The following KANK1 variants were observed in gnomAD, a reference collection of about 807,000 sequenced individuals.
The protein encoded by KANK1 is KN motif and ankyrin repeat domain-containing protein 1.
A neutral mutation model predicts 106.2 loss-of-function variants in KANK1; 109 were observed. The ratio of observed to expected loss-of-function variants is 1.03; its 90% CI spans 0.88 to 1.20. The LOEUF (loss-of-function observed/expected upper bound fraction) is 1.20, where lower values mean the gene tolerates loss of function less well. Ranked by LOEUF, KANK1 falls within the 50% of genes most tolerant of loss-of-function variation. KANK1 has a pLI of 0.00. For synonymous variants in KANK1, 873 were observed against 652.2 expected (o/e 1.34, Z -5.16); for missense variants, 2,399 against 1,710.7 (o/e 1.40, Z -7.10).
At position 711,716 on chromosome 9, in the gene KANK1, G is replaced by C. The variant is rs1215928864; in HGVS notation, c.950G>C (p.Cys317Ser). The C allele has an allele frequency of 4.3e-5, 69 of 1,614,102 alleles. No homozygotes were observed. The highest frequency in any genetic ancestry group is 5.7e-5 in the Non-Finnish European group (67 of 1,180,038). ...NQRAASQINV[C>S]GVRKRSYSAG... ...AGGGCTGCATCCCAGATCAATGTCT[G>C]TGGTGTGAGGAAGCGGTCCTATAGT... The change falls in exon 3 of 12, where the codon TGT becomes TCT. Residue 317 changes from cysteine (C) to serine (S), a missense_variant. By Grantham distance (112) the Cys-to-Ser change is moderately radical (BLOSUM62 -1). Coordinates refer to ENST00000382297, the MANE Select transcript of KANK1 (RefSeq NM_015158.5).
At chr9:477,633 T>C (rs1229506351) in intron 3 of KANK1, 1 of 152,178 alleles carries the variant, frequency 6.6e-6, no homozygotes, top group Non-Finnish European at 1.5e-5. Flanking sequence ...AGGGCTGATA[T>C]CACAAGTAGT....
chr9:528,480 T>C (rs1012187607), intron 1 of KANK1, among the ~76,000 whole-genome samples: 1 of 127,210 alleles, frequency 7.9e-6, no homozygotes, highest in Non-Finnish European at 1.7e-5. Context: ...TTTTTTTTTT[T>C]TTTTTTTTTT....
chr9:531,786 G>T (rs562304178), intron 1 of KANK1, among the ~76,000 whole-genome samples: 3 of 152,188 alleles, frequency 2.0e-5, no homozygotes, highest in East Asian at 1.9e-4. Flanking sequence ...GCCTTCTGGC[G>T]TCTGTCCTCA....
chr9:695,714 G>C (rs925461906), intron 2 of KANK1, among the ~76,000 whole-genome samples: 10 of 152,156 alleles, frequency 6.6e-5, no homozygotes, highest in Non-Finnish European at 1.2e-4. Flanking sequence ...ACCACTAGTA[G>C]TGACAATAGA....
intron 3 of KANK1, among the ~76,000 whole-genome samples, chr9:716,442 C>T (rs1480434201): frequency 1.3e-5 from 2 of 152,136 alleles, no homozygotes; most frequent in African/African-American, 4.8e-5. Flanking sequence ...AAATTTTTAT[C>T]TTCATTATTC....
intron 1 of KANK1, among the ~76,000 whole-genome samples, chr9:544,903 A>G (rs1456783276): frequency 1.3e-5 from 2 of 152,158 alleles, no homozygotes; most frequent in African/African-American, 2.4e-5. Context: ...ATCACTGGCA[A>G]GTTTTAAGTT....
chr9:594,326 C>G (rs897498623), intron 1 of KANK1, among the ~76,000 whole-genome samples: 1 of 151,872 alleles, frequency 6.6e-6, no homozygotes, highest in Non-Finnish European at 1.5e-5. Context: ...GGGGAAAAGG[C>G]CAACATGATT....
At chr9:541,165 TACTTG>T (rs2060576522) in intron 1 of KANK1, among the ~76,000 whole-genome samples, 1 of 152,054 alleles carries the variant, frequency 6.6e-6, no homozygotes, top group African/African-American at 2.4e-5. Context: ...GGCATCATGC[TACTTG>T]ACTTCAAAAT....
chr9:621,903 C>G (rs1833228850), intron 1 of KANK1, among the ~76,000 whole-genome samples: 1 of 152,138 alleles, frequency 6.6e-6, no homozygotes, highest in African/African-American at 2.4e-5. Context: ...AATGCTCCAC[C>G]AAAGGGCTTT....
chr9:702,808 G>A (rs1823017888), intron 2 of KANK1, among the ~76,000 whole-genome samples: 1 of 152,080 alleles, frequency 6.6e-6, no homozygotes, highest in South Asian at 2.1e-4. Context: ...TCTTCCCCTT[G>A]TCTAACCTTG....
chr9:545,215 C>T (rs558329548), intron 1 of KANK1, among the ~76,000 whole-genome samples: 6 of 151,824 alleles, frequency 4.0e-5, no homozygotes, highest in Non-Finnish European at 7.4e-5. Context: ...AACATCAAGC[C>T]CAGTGCCCAG....
rs3215735 is a variant in KANK1 at position 729,965 on chromosome 9, ATT to A, written c.2699-85_2699-84del. ...GGCTGGGATAATAGTCCCATTTTAA[ATT>A]ATGAGTGGCAAGAATTGTTTTTGTT... On this transcript the variant is annotated intron_variant, in intron 3 of 11. Coordinates refer to ENST00000382297, the MANE Select transcript of KANK1 (RefSeq NM_015158.5). 21,825 of 1,181,722 alleles carry A rather than the reference ATT, an allele frequency of 0.018. 1,535 individuals are homozygous for A. The highest frequency in any genetic ancestry group is 0.14 in the East Asian group (5,641 of 40,262). 73.2% of individuals were successfully genotyped at this position (1,181,722 alleles called of 1,614,324 possible).
intron 1 of KANK1, among the ~76,000 whole-genome samples, chr9:670,597 C>A (rs1178084676): frequency 6.6e-6 from 1 of 152,130 alleles, no homozygotes; most frequent in Non-Finnish European, 1.5e-5. Context: ...GAATCTACCT[C>A]CTACAGCATA....
chr9:566,860 A>G (rs1433435612), intron 1 of KANK1, among the ~76,000 whole-genome samples: 22 of 152,000 alleles, frequency 1.4e-4, no homozygotes, highest in Non-Finnish European at 1.5e-5. Context: ...GTTTAATTAG[A>G]TCCCATTTGT....
At chr9:640,791 G>A (rs2137131380) in intron 1 of KANK1, among the ~76,000 whole-genome samples, 1 of 151,604 alleles carries the variant, frequency 6.6e-6, no homozygotes, top group African/African-American at 2.4e-5. Flanking sequence ...CTGCCTGCCG[G>A]GTCCACACCA....
At chr9:629,599 T>C (rs896104420) in intron 1 of KANK1, among the ~76,000 whole-genome samples, 2 of 152,202 alleles carry the variant, frequency 1.3e-5, no homozygotes, top group Non-Finnish European at 2.9e-5. Flanking sequence ...AAACACATCC[T>C]GAGAGAAGTG....
chr9:569,479 A>G (rs1818636561), intron 1 of KANK1, among the ~76,000 whole-genome samples: 1 of 152,280 alleles, frequency 6.6e-6, no homozygotes, highest in Non-Finnish European at 1.5e-5. Flanking sequence ...CCGCCTCACC[A>G]TGTGATTCCC....
At chr9:674,566 CTTTTT>C (rs1563967281) in intron 1 of KANK1, among the ~76,000 whole-genome samples, 1 of 152,004 alleles carries the variant, frequency 6.6e-6, no homozygotes, top group Non-Finnish European at 1.5e-5. Flanking sequence ...CTTTTCTTTC[CTTTTT>C]ATTTACTTAT....
intron 1 of KANK1, among the ~76,000 whole-genome samples, chr9:627,722 G>A (rs1834696637): frequency 6.6e-6 from 1 of 152,218 alleles, no homozygotes; most frequent in African/African-American, 2.4e-5. Flanking sequence ...GGGTGGATGG[G>A]AGAGTGCTGT....
Sources: gnomAD v4.1 joint callset for allele counts (sites outside exome capture counted in the v4.1 genomes callset) on GRCh38, gnomAD v4.1.1 for gene constraint, MANE v1.5 for transcripts, NCBI Gene and HGNC (gene_info 2026-07-23, HGNC 2026-07-21) for gene names.